IMMP2L: variants seen among roughly 807,000 people sequenced by gnomAD.
IMMP2L encodes inner mitochondrial membrane peptidase subunit 2, also known as mitochondrial inner membrane protease subunit 2.
IMMP2L carries 18 observed loss-of-function variants against 19.3 expected under a neutral mutation model. The ratio of observed to expected loss-of-function variants is 0.93; its 90% CI spans 0.64 to 1.38. The LOEUF (loss-of-function observed/expected upper bound fraction) is 1.38. Among genes scored for constraint, IMMP2L ranks in the 40% most tolerant of loss-of-function variants. The pLI is 0.00. For synonymous variants in IMMP2L, 76 were observed against 73.0 expected, an observed-to-expected ratio of 1.04 and a Z score of -0.21; for missense variants, 233 against 218.2, an observed-to-expected ratio of 1.07 and a Z score of -0.43.
intron 2 of IMMP2L, among the ~76,000 whole-genome samples, chr7:111,496,657 T>C (rs1843622260): frequency 6.6e-6 from 1 of 152,200 alleles, no homozygotes; most frequent in Non-Finnish European, 1.5e-5. Flanking sequence ...TTGCAAATCT[T>C]AGAACTCCAG....
intron 5 of IMMP2L, among the ~76,000 whole-genome samples, chr7:110,682,347 T>A (rs909511303): frequency 2.0e-5 from 3 of 152,178 alleles, no homozygotes; most frequent in Non-Finnish European, 4.4e-5. Flanking sequence ...CTAATAATTA[T>A]CATACTGGGC....
intron 5 of IMMP2L, among the ~76,000 whole-genome samples, chr7:110,704,301 TAA>T (rs1794495679): frequency 6.6e-6 from 1 of 152,224 alleles, no homozygotes; most frequent in African/African-American, 2.4e-5. Flanking sequence ...AAATTGAGCC[TAA>T]GTTACTTTAG....
At chr7:111,106,601 C>G (rs1227237635) in intron 3 of IMMP2L, among the ~76,000 whole-genome samples, 4 of 149,624 alleles carry the variant, frequency 2.7e-5, no homozygotes, top group Non-Finnish European at 5.9e-5. Flanking sequence ...TCAAATAGGG[C>G]AAGAGTTGGT....
chr7:111,503,713 CA>C (rs1844564363), intron 2 of IMMP2L, among the ~76,000 whole-genome samples: 1 of 152,046 alleles, frequency 6.6e-6, no homozygotes, highest in African/African-American at 2.4e-5. Context: ...GAACCAAAGA[CA>C]AAAACCACAT....
At chr7:110,861,733 C>A (rs1340655079) in intron 5 of IMMP2L, among the ~76,000 whole-genome samples, 1 of 149,398 alleles carries the variant, frequency 6.7e-6, no homozygotes, top group Non-Finnish European at 1.5e-5. Context: ...TGTTAATGAC[C>A]ATAGGCCAGA....
At chr7:111,374,171 C>T (rs981504350) in intron 3 of IMMP2L, among the ~76,000 whole-genome samples, 16 of 152,048 alleles carry the variant, frequency 1.1e-4, no homozygotes, top group Admixed American at 3.9e-4. Flanking sequence ...CATGCTAAAG[C>T]TTGATATTGT....
intron 5 of IMMP2L, among the ~76,000 whole-genome samples, chr7:110,785,368 A>T (rs73417258): frequency 0.037 from 5,676 of 152,048 alleles, 325 homozygotes; most frequent in African/African-American, 0.12. Context: ...ATTCCACATC[A>T]GTGTGGCTGG....
intron 5 of IMMP2L, among the ~76,000 whole-genome samples, chr7:110,827,975 C>A (rs945213652): frequency 1.3e-5 from 2 of 152,090 alleles, no homozygotes; most frequent in African/African-American, 4.8e-5. Context: ...GACAAGTTCA[C>A]CTAACAGCCA....
chr7:111,070,815 T>A (rs1794891476), intron 3 of IMMP2L, among the ~76,000 whole-genome samples: 1 of 152,202 alleles, frequency 6.6e-6, no homozygotes, highest in African/African-American at 2.4e-5. Flanking sequence ...TAAATATAAG[T>A]AGACACATCT....
intron 3 of IMMP2L, among the ~76,000 whole-genome samples, chr7:111,211,425 G>A (rs778862957): frequency 6.6e-5 from 10 of 152,098 alleles, no homozygotes; most frequent in Non-Finnish European, 1.2e-4. Context: ...AAAGCATGCC[G>A]CAATTCAATG....
At chr7:111,401,579 T>C (rs1291129491) in intron 3 of IMMP2L, among the ~76,000 whole-genome samples, 1 of 152,170 alleles carries the variant, frequency 6.6e-6, no homozygotes, top group African/African-American at 2.4e-5. Context: ...AAAGAAACAC[T>C]ACAGATTACA....
At chr7:111,540,673 C>A (rs192027718) in intron 1 of IMMP2L, among the ~76,000 whole-genome samples, 91 of 152,194 alleles carry the variant, frequency 6.0e-4, no homozygotes, top group African/African-American at 2.2e-3. Flanking sequence ...GTTGTAAGCC[C>A]CTAAAGGGTA....
At chr7:111,473,570 C>T (rs1023197426) in intron 3 of IMMP2L, among the ~76,000 whole-genome samples, 1 of 152,182 alleles carries the variant, frequency 6.6e-6, no homozygotes, top group Non-Finnish European at 1.5e-5. Context: ...ATCACTGCTC[C>T]TTCAATACTG....
chr7:110,859,853 A>T (rs1047661696), intron 5 of IMMP2L, among the ~76,000 whole-genome samples: 4 of 152,114 alleles, frequency 2.6e-5, no homozygotes, highest in African/African-American at 7.2e-5. Context: ...TTTAGTTCTA[A>T]ACCTAGAATA....
At chr7:111,529,207 G>A (rs1275403408) in intron 1 of IMMP2L, among the ~76,000 whole-genome samples, 3 of 152,132 alleles carry the variant, frequency 2.0e-5, no homozygotes, top group South Asian at 2.1e-4. Context: ...CATCCTCCAC[G>A]GATCTTTCTA....
intron 3 of IMMP2L, among the ~76,000 whole-genome samples, chr7:111,431,414 CA>C (rs1836621086): frequency 1.3e-5 from 2 of 151,958 alleles, no homozygotes; most frequent in Non-Finnish European, 2.9e-5. Flanking sequence ...GTATTTTACA[CA>C]TTCCTTTTAT....
intron 3 of IMMP2L, among the ~76,000 whole-genome samples, chr7:111,190,815 A>G (rs1808779615): frequency 1.3e-5 from 2 of 152,140 alleles, no homozygotes; most frequent in African/African-American, 4.8e-5. Context: ...GTATAACATC[A>G]TGTGATATAA....
chr7:111,434,448 T>C (rs1289857487), intron 3 of IMMP2L, among the ~76,000 whole-genome samples: 1 of 146,372 alleles, frequency 6.8e-6, no homozygotes, highest in Admixed American at 6.6e-5. Flanking sequence ...CAGAATGTTT[T>C]CCACAAGAAA....
At chr7:110,824,513 A>C (rs540845112) in intron 5 of IMMP2L, among the ~76,000 whole-genome samples, 12 of 152,230 alleles carry the variant, frequency 7.9e-5, no homozygotes, top group African/African-American at 2.9e-4. Context: ...CCACAGGCAC[A>C]CACCACCACG....
Sources: allele counts gnomAD v4.1 joint callset (sites outside exome capture counted in the v4.1 genomes callset), GRCh38; gene constraint gnomAD v4.1.1; transcripts MANE v1.5; gene names NCBI Gene and HGNC (gene_info 2026-07-23, HGNC 2026-07-21).